Variants in CCDC191 observed in about 807,000 individuals in gnomAD.
The protein encoded by CCDC191 is coiled-coil domain containing 191.
In CCDC191, 99 loss-of-function variants were observed where a neutral mutation model predicts 114.0. That is an observed-to-expected ratio of 0.87 (90% CI 0.74 to 1.03). CCDC191 has a LOEUF of 1.03. Ranked by LOEUF, CCDC191 falls within the 50% of genes least tolerant of loss-of-function variation. The probability of loss-of-function intolerance (pLI) is 0.00; values close to 1 mark genes in which losing one functional copy is unlikely to be tolerated. For missense variants in CCDC191, 973 were observed against 1,087.0 expected (o/e 0.90, Z 1.47); for synonymous variants, 351 against 376.0 (o/e 0.93, Z 0.77).
chr3:113,971,796 C>G (rs1264879493), intron 16 of CCDC191, among the ~76,000 whole-genome samples: 1 of 151,886 alleles, frequency 6.6e-6, no homozygotes, highest in East Asian at 1.9e-4. Flanking sequence ...CAGTTTGAAG[C>G]CATTAGGACC....
chr3:114,042,231 T>C (rs888352789), intron 4 of CCDC191, among the ~76,000 whole-genome samples: 2 of 152,144 alleles, frequency 1.3e-5, no homozygotes, highest in Admixed American at 6.6e-5. Context: ...CATTCTTGGA[T>C]TCAACCAACT....
Position 114,036,737 on chromosome 3 carries a change from T to C in CCDC191, c.465A>G (p.Lys155=). 3 of 1,591,326 alleles carry C rather than the reference T, an allele frequency of 1.9e-6. No individual in the cohort carries two copies. Among genetic ancestry groups the C allele is most frequent in the Non-Finnish European group, 2.6e-6 (3 of 1,167,506 alleles). Residue 155 remains lysine (K), a synonymous_variant, in exon 5 of 17, where the codon AAA becomes AAG. Coordinates refer to ENST00000295878, the MANE Select transcript of CCDC191 (RefSeq NM_020817.2). ...TTTTATGGAGCAGATGGTCTATAAA[T>C]TTTTGAACGGTGGTACTTTCCTCTT... ...EEEEESTTVQ[K]FIDHLLHKNV...
At chr3:113,997,207 G>A (rs537718339) in intron 13 of CCDC191, among the ~76,000 whole-genome samples, 1 of 152,152 alleles carries the variant, frequency 6.6e-6, no homozygotes, top group African/African-American at 2.4e-5. Context: ...TGCTGTCAGA[G>A]GGCATTTACA....
At chr3:114,006,140 G>T (rs1389024513) in intron 9 of CCDC191, 178 bp from the exon 10 acceptor site, 3 of 687,250 alleles carry the variant, frequency 4.4e-6, no homozygotes, top group Non-Finnish European at 7.9e-6. Flanking sequence ...AACATGCATT[G>T]CTGCTCACCA....
At chr3:114,002,654 G>C (rs181835265) in intron 11 of CCDC191, 116 bp from the exon 12 acceptor site, 2 of 1,258,594 alleles carry the variant, frequency 1.6e-6, no homozygotes, top group Admixed American at 3.2e-5. Context: ...GGGTTTTCTT[G>C]TAAGTTGAAT....
chr3:113,992,942 A>G (rs2107639688), intron 13 of CCDC191, among the ~76,000 whole-genome samples: 1 of 152,340 alleles, frequency 6.6e-6, no homozygotes, highest in Admixed American at 6.5e-5. Context: ...GAGCACATTC[A>G]AAGGATAATA....
At chr3:114,043,133 CACTGAG>C (rs2076585400) in intron 3 of CCDC191, among the ~76,000 whole-genome samples, 1 of 152,018 alleles carries the variant, frequency 6.6e-6, no homozygotes, top group South Asian at 2.1e-4. Context: ...AAGAAAGCTT[CACTGAG>C]AAAAAGATAT....
chr3:114,008,509 G>A (rs2076012313), intron 9 of CCDC191, among the ~76,000 whole-genome samples: 1 of 152,054 alleles, frequency 6.6e-6, no homozygotes, highest in African/African-American at 2.4e-5. Flanking sequence ...ATTATGTGGA[G>A]GGTGGAGGTG....
At chr3:114,047,855 A>G (rs2076650729) in intron 2 of CCDC191, among the ~76,000 whole-genome samples, 1 of 152,002 alleles carries the variant, frequency 6.6e-6, no homozygotes. Flanking sequence ...TGAGCCTGTA[A>G]TCTCAGCTAC....
At chr3:114,033,354 G>C (rs986850231) in intron 6 of CCDC191, among the ~76,000 whole-genome samples, 1 of 152,138 alleles carries the variant, frequency 6.6e-6, no homozygotes, top group East Asian at 1.9e-4. Flanking sequence ...ACGAAAGTCT[G>C]TTATTATAAA....
At chr3:113,993,926 C>G (rs990373129) in intron 13 of CCDC191, among the ~76,000 whole-genome samples, 2 of 151,904 alleles carry the variant, frequency 1.3e-5, no homozygotes, top group South Asian at 2.1e-4. Flanking sequence ...TCCAAATAGA[C>G]CACAGACCTA....
At chr3:114,026,005 G>C (rs938549307) in intron 7 of CCDC191, among the ~76,000 whole-genome samples, 1 of 152,090 alleles carries the variant, frequency 6.6e-6, no homozygotes, top group Non-Finnish European at 1.5e-5. Context: ...AGTGTTTAGG[G>C]GGGAAATATT....
chr3:114,027,309 G>C (rs542722992), intron 7 of CCDC191, among the ~76,000 whole-genome samples: 13 of 152,222 alleles, frequency 8.5e-5, no homozygotes, highest in Admixed American at 7.2e-4. Context: ...GATACTCTGG[G>C]AGGAACAAAT....
intron 13 of CCDC191, among the ~76,000 whole-genome samples, chr3:113,990,689 A>G (rs2075526422): frequency 6.6e-6 from 1 of 151,662 alleles, no homozygotes; most frequent in African/African-American, 2.4e-5. Context: ...AACATTTTAG[A>G]GAGAAATAAC....
At chr3:113,994,557 T>C (rs866870911) in intron 13 of CCDC191, among the ~76,000 whole-genome samples, 3 of 151,400 alleles carry the variant, frequency 2.0e-5, no homozygotes, top group African/African-American at 4.8e-5. Flanking sequence ...CCTAAGTGAA[T>C]TGAAAACTTA....
At chr3:114,028,662 A>G (rs2076360568) in intron 7 of CCDC191, among the ~76,000 whole-genome samples, 1 of 151,978 alleles carries the variant, frequency 6.6e-6, no homozygotes, top group African/African-American at 2.4e-5. Context: ...CAGGTTTCTC[A>G]GTGTCAGAGA....
At chr3:114,000,787 G>A (rs1173823715) in intron 13 of CCDC191, among the ~76,000 whole-genome samples, 1 of 151,788 alleles carries the variant, frequency 6.6e-6, no homozygotes, top group African/African-American at 2.4e-5. Flanking sequence ...AGTAGCTGGT[G>A]ATTATAGGCA....
rs1559900512 is a variant in CCDC191, at chr3:114,004,693, A to G, written c.1922T>C (p.Leu641Pro). ...TEGRSDSRNS[L>P]SGLRRKPKQL... ...CTTTGGTTTCCTTCTGAGTCCAGAA[A>G]GAGAATTTCGGGAGTCACTTCTGCC... The change falls in exon 11 of 17, where the codon CTT (leucine) becomes CCT (proline). Residue 641 changes from leucine to proline, a missense_variant. Coordinates refer to ENST00000295878, the MANE Select transcript of CCDC191 (RefSeq NM_020817.2). 27 of 1,612,908 alleles carry G rather than the reference A, an allele frequency of 1.7e-5. No individual in the cohort carries two copies. Among genetic ancestry groups the G allele is most frequent in the Non-Finnish European group, 2.3e-5 (27 of 1,179,396 alleles).
intron 3 of CCDC191, among the ~76,000 whole-genome samples, chr3:114,045,895 A>G (rs2076623086): frequency 6.6e-6 from 1 of 152,226 alleles, no homozygotes; most frequent in East Asian, 1.9e-4. Context: ...AGAAATGTAT[A>G]TTTCATGAAA....
Sources: allele counts gnomAD v4.1 joint callset (sites outside exome capture counted in the v4.1 genomes callset), GRCh38; gene constraint gnomAD v4.1.1; transcripts MANE v1.5; gene names NCBI Gene and HGNC (gene_info 2026-07-23, HGNC 2026-07-21).